The following IRF2 variants were observed in gnomAD, a reference collection of about 807,000 sequenced individuals.
IRF2 encodes interferon regulatory factor 2.
Under a neutral mutation model 40.6 loss-of-function variants are expected in IRF2, and 15 were observed. The ratio of observed to expected loss-of-function variants is 0.37; its 90% CI spans 0.25 to 0.57. The LOEUF is 0.57. IRF2 is among the 20% of genes least tolerant of loss of function. The pLI is 0.77. For synonymous variants in IRF2, 151 were observed against 165.5 expected, an observed-to-expected ratio of 0.91 and a Z score of 0.67; for missense variants, 317 against 455.7, an observed-to-expected ratio of 0.70 and a Z score of 2.77.
chr4:184,414,593 T>C (rs1737194915), intron 5 of IRF2, among the ~76,000 whole-genome samples: 1 of 152,226 alleles, frequency 6.6e-6, no homozygotes, highest in Non-Finnish European at 1.5e-5. Context: ...ACTGAGTTTG[T>C]AGGGATATGC....
rs1238177005 is a variant in IRF2 at position 184,455,301 on chromosome 4, CTTTTTTT to C, written c.-7+19071_-7+19077del. Among the ~76,000 whole-genome samples the C allele has an allele frequency of 1.6e-4, 5 of 31,928 alleles. No homozygotes were observed. The East Asian group carries it at 3.7e-3, about 24-fold the overall frequency. 20.9% of individuals were successfully genotyped at this position (31,928 alleles called of 152,430 possible). A position where few individuals can be genotyped will look rare whatever the true frequency, so the allele number is the denominator to read the frequency against. On this transcript the variant is annotated intron_variant, in intron 1 of 8. Transcript: ENST00000393593. ...CCCTCCCCCTCCCTTCCTTCTTCTT[CTTTTTTT>C]TTTTTTTTTTTTTTTTGTAGAGAAA...
Position 184,474,107 on chromosome 4 carries a change from T to A in IRF2, c.-7+272A>T. On this transcript the variant is annotated intron_variant, in intron 1 of 8. Coordinates refer to ENST00000393593, the MANE Select transcript of IRF2 (RefSeq NM_002199.4). This position sits in a 1 kb window ranked among gnomAD's most constrained non-coding sequence, Gnocchi z 5.6. ...CTCCTCCTCCTCCTCCCTCTCTACC[T>A]CCTCCTCCTCCTCCTCCTCGCAGCC... 6.7e-6 allele frequency: 1 copy of A among 149,512 alleles called. No individual in the cohort carries two copies. Among genetic ancestry groups the A allele is most frequent in the Non-Finnish European group, 1.5e-5 (1 of 68,086 alleles). The allele number at this position is 149,512 out of a possible 1,614,324, so 9.3% of individuals were successfully genotyped here.
chr4:184,431,357 G>C (rs918730938), intron 1 of IRF2, among the ~76,000 whole-genome samples: 1 of 152,160 alleles, frequency 6.6e-6, no homozygotes, highest in Admixed American at 6.5e-5. Flanking sequence ...TGCCATCTAG[G>C]AACTCCCAAC....
chr4:184,402,574 A>G (rs1364154274), intron 6 of IRF2, among the ~76,000 whole-genome samples: 1 of 152,160 alleles, frequency 6.6e-6, no homozygotes, highest in Non-Finnish European at 1.5e-5. Flanking sequence ...CTCCCACCGG[A>G]GAGGCGCTCA....
At chr4:184,469,229 G>A (rs745559425) in intron 1 of IRF2, among the ~76,000 whole-genome samples, 15 of 152,192 alleles carry the variant, frequency 9.9e-5, no homozygotes, top group Non-Finnish European at 1.9e-4. Context: ...TAACGGGATG[G>A]TGAGTTTCTC....
At chr4:184,431,781 G>A (rs752694208) in intron 1 of IRF2, among the ~76,000 whole-genome samples, 4 of 124,170 alleles carry the variant, frequency 3.2e-5, no homozygotes, top group African/African-American at 1.1e-4. Context: ...CACGAGAGGC[G>A]TGTGGAAGTG....
chr4:184,397,114 C>G (rs573017049), intron 7 of IRF2, among the ~76,000 whole-genome samples: 1 of 152,180 alleles, frequency 6.6e-6, no homozygotes, highest in Admixed American at 6.5e-5. Context: ...AATAAAGCAC[C>G]GAAGACAAGC....
intron 1 of IRF2, among the ~76,000 whole-genome samples, chr4:184,438,947 A>G (rs560318607): frequency 6.6e-6 from 1 of 152,266 alleles, no homozygotes; most frequent in African/African-American, 2.4e-5. Flanking sequence ...TGGGACCCTG[A>G]CGGCTGAAGT....
intron 6 of IRF2, among the ~76,000 whole-genome samples, chr4:184,400,698 A>C (rs1244470118): frequency 6.6e-6 from 1 of 152,160 alleles, no homozygotes; most frequent in East Asian, 1.9e-4. Context: ...TGAGTGATCA[A>C]ATTTCTCCAC....
chr4:184,404,766 G>A (rs1482637241), intron 6 of IRF2, among the ~76,000 whole-genome samples: 2 of 152,190 alleles, frequency 1.3e-5, no homozygotes, highest in African/African-American at 2.4e-5. Context: ...CGGTGACTCC[G>A]AGACAGGGAT....
rs1355510673 is a variant in IRF2, at chr4:184,408,709, A to G, written c.412-434T>C. Among the ~76,000 whole-genome samples, 1 of 152,236 alleles carries G rather than the reference A, an allele frequency of 6.6e-6. No homozygotes were observed. The highest frequency in any genetic ancestry group is 1.9e-4 in the East Asian group (1 of 5,202). On this transcript the variant is annotated intron_variant, in intron 5 of 8. Coordinates refer to ENST00000393593, the MANE Select transcript of IRF2 (RefSeq NM_002199.4). This position sits in a 1 kb window ranked among gnomAD's most constrained non-coding sequence, Gnocchi z 4.9. ...CCTCTTTCATAATTATTTCTTAGGA[A>G]AAGCTCTGCCTCAGTGACTGGCCCA... is the stretch of plus-strand genomic sequence containing the variant.
At chr4:184,417,445 A>G (rs186193189) in intron 5 of IRF2, among the ~76,000 whole-genome samples, 6 of 152,348 alleles carry the variant, frequency 3.9e-5, no homozygotes, top group Admixed American at 3.9e-4. Context: ...CTGTGACCGC[A>G]GTGTATGCTC....
At chr4:184,429,446 A>G (rs1405847816) in intron 1 of IRF2, among the ~76,000 whole-genome samples, 1 of 152,212 alleles carries the variant, frequency 6.6e-6, no homozygotes, top group Admixed American at 6.5e-5. Context: ...GATCCTTCCA[A>G]GAGCCAAGGG....
At chr4:184,402,972 A>G (rs530242511) in intron 6 of IRF2, among the ~76,000 whole-genome samples, 20 of 152,340 alleles carry the variant, frequency 1.3e-4, no homozygotes, top group Non-Finnish European at 2.6e-4. Flanking sequence ...ACGTCCATGC[A>G]GATTTTAGGT....
At chr4:184,441,418 AG>A (rs1738300005) in intron 1 of IRF2, among the ~76,000 whole-genome samples, 1 of 152,362 alleles carries the variant, frequency 6.6e-6, no homozygotes, top group East Asian at 1.9e-4. Context: ...GTGAGTGGTC[AG>A]GTGTCTGGTG....
At chr4:184,396,020 A>C (rs2149892034) in intron 7 of IRF2, among the ~76,000 whole-genome samples, 1 of 152,340 alleles carries the variant, frequency 6.6e-6, no homozygotes, top group African/African-American at 2.4e-5. Context: ...GTCTATTCTA[A>C]AGCTCCAACC....
At chr4:184,421,911 C>T (rs1470209975) in intron 2 of IRF2, among the ~76,000 whole-genome samples, 2 of 152,112 alleles carry the variant, frequency 1.3e-5, no homozygotes, top group African/African-American at 4.8e-5. Flanking sequence ...AATTTGATCG[C>T]TAGTGTTGCA....
intron 1 of IRF2, among the ~76,000 whole-genome samples, chr4:184,445,654 C>CAAAAA (rs386683242): frequency 1.2e-4 from 14 of 120,748 alleles, no homozygotes; most frequent in South Asian, 2.5e-4. Context: ...GACTCCATCA[C>CAAAAA]AAAAAAAAAA....
intron 1 of IRF2, among the ~76,000 whole-genome samples, chr4:184,461,656 G>T (rs942673551): frequency 1.3e-5 from 2 of 151,914 alleles, no homozygotes; most frequent in African/African-American, 4.8e-5. Context: ...AATAGTCAAC[G>T]GTTTCAGCTG....
Sources: gnomAD v4.1 joint callset for allele counts (sites outside exome capture counted in the v4.1 genomes callset) on GRCh38, gnomAD v4.1.1 for gene constraint, Gnocchi (gnomAD v3.1) non-coding constraint, MANE v1.5 for transcripts, NCBI Gene and HGNC (gene_info 2026-07-23, HGNC 2026-07-21) for gene names.